The following STAG3 variants were observed in gnomAD, a reference collection of about 807,000 sequenced individuals.
The protein encoded by STAG3 is STAG3 cohesin complex component.
Under a neutral mutation model 160.7 loss-of-function variants are expected in STAG3, and 101 were observed. That is an observed-to-expected ratio of 0.63 (90% CI 0.54 to 0.74). The LOEUF (loss-of-function observed/expected upper bound fraction) is 0.74. Among genes scored for constraint, STAG3 ranks in the 30% least tolerant of loss-of-function variants. The pLI, the probability that STAG3 is intolerant of heterozygous loss-of-function variation, is 0.00. For synonymous variants in STAG3, 519 were observed against 585.0 expected, an observed-to-expected ratio of 0.89 and a Z score of 1.63; for missense variants, 1,188 against 1,517.4, an observed-to-expected ratio of 0.78 and a Z score of 3.61.
Position 100,199,290 on chromosome 7 carries a change from A to G in STAG3, c.1496A>G (p.Asp499Gly). The G allele has an allele frequency of 1.2e-6, 2 of 1,614,114 alleles. No individual in the cohort carries two copies. Among genetic ancestry groups the G allele is most frequent in the Non-Finnish European group, 1.7e-6 (2 of 1,179,974 alleles). ...CATGACCACGCTGCTTACTTAGTAG[A>G]CAGTCTGTGGGACTGTGCAGGGGCT... The part of the protein sequence containing the change: ...ELHDHAAYLV[D>G]SLWDCAGARL... The change falls in exon 15 of 34, where the codon GAC (aspartate) becomes GGC (glycine). Residue 499 changes from aspartate (D) to glycine (G), a missense_variant. By Grantham distance (94) the Asp-to-Gly change is moderately conservative. Transcript: ENST00000615138.
chr7:100,181,975 A>G, intron 2 of STAG3, 115 bp from the exon 3 acceptor site: 1 of 611,076 alleles, frequency 1.6e-6, no homozygotes, highest in Non-Finnish European at 2.9e-6. Flanking sequence ...AAATCTGGAT[A>G]TGTTTTTCTC....
intron 29 of STAG3, among the ~76,000 whole-genome samples, chr7:100,209,111 G>A (rs1801931346): frequency 6.6e-6 from 1 of 152,164 alleles, no homozygotes; most frequent in South Asian, 2.1e-4. Context: ...TTCATATTTA[G>A]AGGTTAACTG....
chr7:100,211,666 G>A (rs1802222489), intron 31 of STAG3, 127 bp downstream of exon 31: 1 of 1,403,724 alleles, frequency 7.1e-7, no homozygotes, highest in Non-Finnish European at 9.9e-7. Flanking sequence ...AGCACTTCCT[G>A]TCAGCACAAT....
At chr7:100,181,790 A>G (rs1274372882) in intron 2 of STAG3, among the ~76,000 whole-genome samples, 2 of 151,554 alleles carry the variant, frequency 1.3e-5, no homozygotes, top group Non-Finnish European at 1.5e-5. Context: ...AATCCCAGCT[A>G]CTCGGGAGGC....
At chr7:100,209,651 T>A (rs1801992840) in intron 29 of STAG3, among the ~76,000 whole-genome samples, 1 of 152,134 alleles carries the variant, frequency 6.6e-6, no homozygotes, top group South Asian at 2.1e-4. Context: ...AGGTTGTGGC[T>A]GTTGTAGGAG....
Position 100,213,802 on chromosome 7 carries a change from T to G in STAG3, c.3668T>G (p.Ile1223Ser). The G allele has an allele frequency of 6.2e-7, 1 of 1,614,102 alleles. No individual in the cohort carries two copies. ...CTCTTAGATTCTACAGAGCTGGATA[T>G]TGAGGTGAGTGTCCCCAGAGCAGGA... ...LDLLDSTELD[I>S]EDF The change falls in exon 33 of 34, where the codon ATT becomes AGT. Residue 1223 changes from isoleucine (I) to serine (S), a missense_variant. Around this residue, in one of 4 missense-constraint regions of STAG3, gnomAD observed 647 missense variants for 717.2 expected, o/e 0.90. Coordinates refer to ENST00000615138, the MANE Select transcript of STAG3 (RefSeq NM_001282717.2).
Position 100,211,017 on chromosome 7 carries a change from C to T in STAG3, c.3245C>T (p.Ala1082Val), listed in dbSNP as rs1377124157. The T allele has an allele frequency of 1.2e-6, 2 of 1,613,300 alleles. No homozygotes were observed. Among genetic ancestry groups the T allele is most frequent in the Non-Finnish European group, 1.7e-6 (2 of 1,179,804 alleles). ...SSKRRRVEGP[A>V]KPNREDVSSS... ...GTATGCATCTGCTTGGCAGGGCCTG[C>T]CAAGCCTAACAGAGAGGACGTCTCC... The change falls in exon 30 of 34, where the codon GCC becomes GTC. Residue 1082 changes from alanine (A) to valine (V), a missense_variant. Around this residue, in one of 4 missense-constraint regions of STAG3, gnomAD observed 647 missense variants for 717.2 expected, o/e 0.90. Transcript: ENST00000615138.
chr7:100,204,514 G>A, intron 26 of STAG3, 113 bp from the exon 27 acceptor site: 1 of 1,318,528 alleles, frequency 7.6e-7, no homozygotes, highest in Non-Finnish European at 1.0e-6. Flanking sequence ...AGTAAAAGTA[G>A]TAGATGGTGT....
downstream of STAG3, among the ~76,000 whole-genome samples, chr7:100,215,470 G>A (rs189900549): frequency 1.3e-5 from 2 of 152,282 alleles, no homozygotes; most frequent in African/African-American, 2.4e-5. Context: ...GCGATCTTTC[G>A]CCTGTATTCA....
At chr7:100,181,322 T>G (rs3807471) in intron 2 of STAG3, 26,853 of 152,150 alleles carry the variant, frequency 0.18, 2,455 homozygotes, top group South Asian at 0.21. Context: ...TTTAATTGGC[T>G]TTCTCTGAAT....
chr7:100,197,775 C>A lies in STAG3; in HGVS notation c.1066-3C>A. On this transcript the variant is annotated splice_region_variant and splice_polypyrimidine_tract_variant and intron_variant, in intron 10 of 33. Transcript: ENST00000615138. Reference sequence around the variant, plus strand: ...CATTCTCCTGGTTTTCCCTCCTCACCAGCACCGAGAAGTCCGCCTGAAGTG... The same window carrying A: ...CATTCTCCTGGTTTTCCCTCCTCACAAGCACCGAGAAGTCCGCCTGAAGTG... 1.2e-6 allele frequency: 2 copies of A among 1,613,048 alleles called. No individual in the cohort carries two copies. The highest frequency in any genetic ancestry group is 1.7e-6 in the Non-Finnish European group (2 of 1,179,212).
intron 10 of STAG3, 125 bp downstream of exon 10, chr7:100,197,404 C>G: frequency 7.4e-7 from 1 of 1,351,304 alleles, no homozygotes; most frequent in Non-Finnish European, 1.1e-6. Context: ...CCCATCAAGG[C>G]GCTGAACCTT....
chr7:100,187,980 A>T (rs1036102469), intron 5 of STAG3, among the ~76,000 whole-genome samples: 1 of 151,982 alleles, frequency 6.6e-6, no homozygotes, highest in Non-Finnish European at 1.5e-5. Context: ...CTGGTCTCGA[A>T]TTCCTGACCT....
intron 31 of STAG3, 87 bp from the exon 32 acceptor site, chr7:100,211,708 C>G: frequency 4.7e-6 from 7 of 1,478,080 alleles, no homozygotes; most frequent in Admixed American, 1.7e-5. Context: ...TTACTGCTCC[C>G]CACTTCCCCC....
chr7:100,213,938 A>G (rs1802532221), intron 33 of STAG3, 69 bp from the exon 34 acceptor site: 1 of 1,613,662 alleles, frequency 6.2e-7, no homozygotes, highest in African/African-American at 1.3e-5. Context: ...AGGGTAACCC[A>G]GGGGAGGATG....
chr7:100,206,077 C>T (rs1801623781), intron 29 of STAG3, among the ~76,000 whole-genome samples: 1 of 149,610 alleles, frequency 6.7e-6, no homozygotes, highest in East Asian at 2.1e-4. Context: ...TGCAGTGGCG[C>T]CATCTCGGCT....
At chr7:100,210,986 G>A in intron 29 of STAG3, 25 bp from the exon 30 acceptor site, 1 of 1,607,760 alleles carries the variant, frequency 6.2e-7, no homozygotes, top group Non-Finnish European at 8.5e-7. Context: ...CTGGGCTGTG[G>A]TTAATGTATG....
At chr7:100,192,572 G>A (rs577655610) in intron 8 of STAG3, among the ~76,000 whole-genome samples, 27 of 152,200 alleles carry the variant, frequency 1.8e-4, no homozygotes, top group African/African-American at 6.0e-4. Context: ...CTTCCCGGAC[G>A]GGGGGTTGAG....
chr7:100,199,098 TG>T, intron 14 of STAG3, 141 bp downstream of exon 14: 1 of 920,336 alleles, frequency 1.1e-6, no homozygotes, highest in South Asian at 1.4e-5. Context: ...GAGACCAGCC[TG>T]GGCAACACAG....
Sources: gnomAD v4.1 joint callset for allele counts (sites outside exome capture counted in the v4.1 genomes callset) on GRCh38, gnomAD v4.1.1 for gene constraint, gnomAD v4.1.1 regional missense constraint, MANE v1.5 for transcripts, NCBI Gene and HGNC (gene_info 2026-07-23, HGNC 2026-07-21) for gene names.